Variants in COL13A1 observed in about 807,000 individuals in gnomAD.
COL13A1 encodes collagen type XIII alpha 1 chain.
In COL13A1, 89 loss-of-function variants were observed where a neutral mutation model predicts 130.9. The ratio of observed to expected loss-of-function variants is 0.68; its 90% confidence interval spans 0.57 to 0.81. The LOEUF (loss-of-function observed/expected upper bound fraction) is 0.81. COL13A1 is among the 30% of genes least tolerant of loss of function. COL13A1 has a pLI of 0.00. For missense variants in COL13A1, 879 were observed against 934.6 expected (o/e 0.94, Z 0.78); for synonymous variants, 402 against 341.6 (o/e 1.18, Z -1.95).
intron 1 of COL13A1, among the ~76,000 whole-genome samples, chr10:69,819,596 G>C (rs561356753): frequency 6.6e-6 from 1 of 152,240 alleles, no homozygotes; most frequent in South Asian, 2.1e-4. Flanking sequence ...GTTGCCTTTG[G>C]GGGAGAGTGT....
At chr10:69,870,487 A>ATT (rs2058956745) in intron 3 of COL13A1, among the ~76,000 whole-genome samples, 3 of 32,942 alleles carry the variant, frequency 9.1e-5, no homozygotes, top group Non-Finnish European at 2.6e-4. Flanking sequence ...TAATTTTTTT[A>ATT]ATTTTTTTTT....
chr10:69,925,356 T>C (rs527282395), intron 25 of COL13A1, among the ~76,000 whole-genome samples: 8 of 152,344 alleles, frequency 5.3e-5, no homozygotes, highest in African/African-American at 1.9e-4. Flanking sequence ...ATATTTAACC[T>C]TTTATCTGTA....
chr10:69,889,033 C>T (rs1428692306), intron 9 of COL13A1, among the ~76,000 whole-genome samples: 2 of 152,344 alleles, frequency 1.3e-5, no homozygotes, highest in South Asian at 4.1e-4. Context: ...TACTCCCCAA[C>T]TGCAGGCCAG....
Position 69,917,290 on chromosome 10 carries a change from G to T in COL13A1, c.923G>T (p.Gly308Val). ...PGIQGYHGRK[G>V]ERGMPGMPGK... The stretch of plus-strand genomic sequence containing the variant: ...ATGCTTTCTCATTTCTTCCTCCAGG[G>T]AGAACGGGGCATGCCAGGGATGCCA... Residue 308 changes from glycine to valine, a missense_variant and splice_region_variant, in exon 18 of 41, where the codon GGA (glycine) becomes GTA (valine). By Grantham distance (109) the Gly-to-Val change is moderately radical (BLOSUM62 -3). This residue lies in a region of COL13A1 where 715 missense variants were observed against 721.0 expected (regional missense o/e 0.99). Coordinates refer to ENST00000645393, the MANE Select transcript of COL13A1 (RefSeq NM_001368882.1). 6.2e-7 allele frequency: 1 copy of T among 1,613,666 alleles called. No individual in the cohort carries two copies. Among genetic ancestry groups the T allele is most frequent in the Non-Finnish European group, 8.5e-7 (1 of 1,179,746 alleles).
chr10:69,842,560 G>T (rs1356796496), intron 2 of COL13A1, among the ~76,000 whole-genome samples: 3 of 152,174 alleles, frequency 2.0e-5, no homozygotes, highest in Admixed American at 2.0e-4. Context: ...GTCTGTCCAT[G>T]CTCATTCCGG....
rs181715417 is a variant in COL13A1, at chr10:69,817,220, G to A, written c.295-5149G>A. Among the ~76,000 whole-genome samples, 619 of 152,114 alleles carry A rather than the reference G, an allele frequency of 4.1e-3. 2 individuals are homozygous for A. Among genetic ancestry groups the A allele is most frequent in the African/African-American group, 0.014 (582 of 41,482 alleles). ...TGTAAATGATCCAATCTAGAGGAGG[G>A]GATTGATGAGGCAGGAAGGCAGGGG... On this transcript the variant is annotated intron_variant, in intron 1 of 40. Transcript: ENST00000645393.
At chr10:69,896,039 T>C (rs1300625823) in intron 13 of COL13A1, among the ~76,000 whole-genome samples, 1 of 152,170 alleles carries the variant, frequency 6.6e-6, no homozygotes, top group East Asian at 1.9e-4. Flanking sequence ...GGGACTTTTC[T>C]ATTAGTCACT....
intron 25 of COL13A1, 131 bp from the exon 26 acceptor site, chr10:69,925,673 C>A: frequency 1.5e-6 from 1 of 654,410 alleles, no homozygotes; most frequent in Admixed American, 2.5e-5. Context: ...TCCCCAGGGC[C>A]CCGCTGGCTG....
At chr10:69,879,023 G>C (rs997293110) in intron 6 of COL13A1, among the ~76,000 whole-genome samples, 1 of 152,262 alleles carries the variant, frequency 6.6e-6, no homozygotes, top group Non-Finnish European at 1.5e-5. Context: ...AACACAAATT[G>C]TGTCAGGTGC....
At chr10:69,895,509 C>A in intron 12 of COL13A1, 41 bp from the exon 13 acceptor site, 1 of 1,612,634 alleles carries the variant, frequency 6.2e-7, no homozygotes. Flanking sequence ...GTACCCCCAA[C>A]AAGTGCCTAA....
chr10:69,958,690 G>A lies in COL13A1; in HGVS notation c.2185-9G>A. 1.2e-6 allele frequency: 2 copies of A among 1,613,804 alleles called. No homozygotes were observed. Among genetic ancestry groups the A allele is most frequent in the Non-Finnish European group, 1.7e-6 (2 of 1,179,846 alleles). On this transcript the variant is annotated splice_polypyrimidine_tract_variant and intron_variant, in intron 40 of 40. Coordinates refer to ENST00000645393, the MANE Select transcript of COL13A1 (RefSeq NM_001368882.1). ...ACTAACAGAACATTGTTTTGTTTTT[G>A]TTTTGCAGTGATGCCTCTAACCTTG... is the stretch of plus-strand genomic sequence containing the variant.
intron 17 of COL13A1, among the ~76,000 whole-genome samples, chr10:69,910,846 C>T (rs560993866): frequency 4.6e-5 from 7 of 152,284 alleles, no homozygotes; most frequent in South Asian, 4.2e-4. Context: ...CTTTTAAGTA[C>T]GCAGAACTGG....
intron 2 of COL13A1, among the ~76,000 whole-genome samples, chr10:69,850,966 G>A (rs564565032): frequency 3.0e-4 from 46 of 152,312 alleles, no homozygotes; most frequent in Non-Finnish European, 6.3e-4. Context: ...AGCATCTGAA[G>A]GGACAAGTCC....
chr10:69,878,375 G>A (rs1347365163), intron 6 of COL13A1, among the ~76,000 whole-genome samples: 1 of 152,194 alleles, frequency 6.6e-6, no homozygotes, highest in Non-Finnish European at 1.5e-5. Context: ...GAACTGCCCA[G>A]GGGGACCCCC....
At chr10:69,930,833 G>A (rs560519753) in intron 30 of COL13A1, among the ~76,000 whole-genome samples, 1 of 152,206 alleles carries the variant, frequency 6.6e-6, no homozygotes, top group Non-Finnish European at 1.5e-5. Flanking sequence ...CTAAACTGGC[G>A]ATAATAATGT....
chr10:69,923,577 G>C (rs896535366), intron 23 of COL13A1, among the ~76,000 whole-genome samples: 1 of 152,220 alleles, frequency 6.6e-6, no homozygotes, highest in African/African-American at 2.4e-5. Flanking sequence ...GGTACAGAAT[G>C]CAGGGAAGGA....
At chr10:69,806,962 G>A (rs1164632783) in intron 1 of COL13A1, among the ~76,000 whole-genome samples, 6 of 152,098 alleles carry the variant, frequency 3.9e-5, no homozygotes, top group Non-Finnish European at 7.4e-5. Flanking sequence ...AGCTGAGATC[G>A]AGCCATTGCA....
chr10:69,894,755 T>C, intron 12 of COL13A1, 54 bp downstream of exon 12: 1 of 1,609,508 alleles, frequency 6.2e-7, no homozygotes, highest in Non-Finnish European at 8.5e-7. Context: ...GGCCTCCCAG[T>C]TGGTAGAAAG....
intron 38 of COL13A1, among the ~76,000 whole-genome samples, chr10:69,949,727 GC>G (rs2069101773): frequency 6.6e-6 from 1 of 152,166 alleles, no homozygotes; most frequent in Admixed American, 6.5e-5. Context: ...TGTGAATTTG[GC>G]CCGGGAGCCA....
Sources: allele counts gnomAD v4.1 joint callset (sites outside exome capture counted in the v4.1 genomes callset), GRCh38; gene constraint gnomAD v4.1.1; regional missense constraint gnomAD v4.1.1; transcripts MANE v1.5; gene names NCBI Gene and HGNC (gene_info 2026-07-23, HGNC 2026-07-21).